CDK16: variants seen among roughly 807,000 people sequenced by gnomAD.
CDK16 encodes the protein cyclin-dependent kinase 16.
CDK16 carries 2 observed loss-of-function variants against 41.6 expected under a neutral mutation model. The observed-to-expected ratio is 0.05, with a 90% CI of 0.02 to 0.15. CDK16 has a LOEUF of 0.15. Ranked by LOEUF, CDK16 falls within the 10% of genes least tolerant of loss-of-function variation. The probability of loss-of-function intolerance (pLI) is 1.00; values close to 1 mark genes in which losing one functional copy is unlikely to be tolerated. For synonymous variants in CDK16, 169 were observed against 169.7 expected (o/e 1.00, Z 0.03); for missense variants, 228 against 428.9 (o/e 0.53, Z 4.14).
Position 47,223,735 on chromosome X carries a change from C to A in CDK16, c.178C>A (p.Arg60=). 1 of 1,208,166 alleles carries A rather than the reference C, an allele frequency of 8.3e-7. No individual in the cohort carries two copies. The highest frequency in any genetic ancestry group is 1.8e-5 in the South Asian group (1 of 56,361). The change falls in exon 2 of 16, where the codon CGG becomes AGG. Residue 60 remains arginine (R), a synonymous_variant. Transcript: ENST00000357227. The part of the protein sequence containing the change: ...RAAPGELRSA[R]GPLSSAPEIV... ...TGCTCCTGGGGAACTTCGTTCTGCACGGGGCCCACTCAGCTCTGCACCAGG... is the reference window on the plus strand; with the variant it reads ...TGCTCCTGGGGAACTTCGTTCTGCAAGGGGCCCACTCAGCTCTGCACCAGG...
At chrX:47,218,650 T>C (rs1556795991), upstream of CDK16, 8 of 1,167,742 alleles carry the variant, frequency 6.9e-6, no homozygotes, top group East Asian at 2.0e-4. Context: ...GGTCCTTTGG[T>C]ACATGCAGTC....
intron 1 of CDK16, among the ~76,000 whole-genome samples, chrX:47,221,693 T>C (rs1439486991): frequency 8.9e-6 from 1 of 112,101 alleles, no homozygotes; most frequent in Non-Finnish European, 1.9e-5. Context: ...CTTCCTTGCC[T>C]TAGGCCCAGT....
intron 1 of CDK16, chrX:47,222,980 G>T: frequency 4.4e-6 from 4 of 907,821 alleles, no homozygotes; most frequent in South Asian, 2.9e-5. Context: ...CTGGGTAGAT[G>T]AATGGGATGA....
At chrX:47,218,591 G>A (rs1190118391), upstream of CDK16, 21 of 1,149,709 alleles carry the variant, frequency 1.8e-5, no homozygotes, top group Non-Finnish European at 2.2e-5. Context: ...GCTTGGCGCC[G>A]CATCCTCCTC....
chrX:47,224,295 G>A, intron 2 of CDK16, 90 bp from the exon 3 acceptor site: 1 of 1,009,264 alleles, frequency 9.9e-7, no homozygotes, highest in South Asian at 2.3e-5. Context: ...GTGCACACAT[G>A]TGTGATGATG....
chrX:47,223,482 C>T, intron 1 of CDK16, 70 bp from the exon 2 acceptor site: 1 of 1,094,915 alleles, frequency 9.1e-7, no homozygotes, highest in South Asian at 2.0e-5. Flanking sequence ...AGGCTGTGGG[C>T]TTTAGGGAAC....
chrX:47,222,644 T>C (rs1280806404), intron 1 of CDK16, among the ~76,000 whole-genome samples: 1 of 4,945 alleles, frequency 2.0e-4, no homozygotes, highest in East Asian at 6.8e-3. Context: ...CAACTAGGAA[T>C]GATGGCGGGG....
chrX:47,225,242 A>C, intron 6 of CDK16, 140 bp downstream of exon 6: 1 of 453,099 alleles, frequency 2.2e-6, no homozygotes, highest in Non-Finnish European at 3.9e-6. Context: ...CCACATATCC[A>C]GGTAATAATC....
intron 1 of CDK16, chrX:47,223,299 T>G (rs1248235154): frequency 8.7e-7 from 1 of 1,155,800 alleles, no homozygotes; most frequent in Admixed American, 2.6e-5. Context: ...GCCACCTAAA[T>G]CTGAGAACTC....
Position 47,218,755 on chromosome X carries a change from T to G in CDK16, c.-357T>G. The G allele has an allele frequency of 1.7e-6, 2 of 1,158,532 alleles. No individual in the cohort carries two copies. Among genetic ancestry groups the G allele is most frequent in the Non-Finnish European group, 2.3e-6 (2 of 870,734 alleles). ...GCGCGGCGGTTGGGCCGTTGGCTGTTCGGCCCTGGGATCCGCCGCCACTCC... is the reference window on the plus strand; with the variant it reads ...GCGCGGCGGTTGGGCCGTTGGCTGTGCGGCCCTGGGATCCGCCGCCACTCC... On this transcript the variant is annotated 5_prime_UTR_variant, in exon 1 of 16. Coordinates refer to ENST00000357227, the MANE Select transcript of CDK16 (RefSeq NM_006201.5).
chrX:47,226,243 G>T, intron 8 of CDK16, 36 bp from the exon 9 acceptor site: 1 of 1,209,210 alleles, frequency 8.3e-7, no homozygotes. Context: ...CTAGTGGATA[G>T]TCTTTGACCT....
chrX:47,218,463 G>A (rs1369733153), upstream of CDK16: 9 of 550,451 alleles, frequency 1.6e-5, no homozygotes, highest in Non-Finnish European at 2.5e-5. Context: ...TAGGGGGAAC[G>A]AGTGGTGATT....
chrX:47,228,278 T>TA, intron 14 of CDK16: 1 of 275,621 alleles, frequency 3.6e-6, no homozygotes, highest in Non-Finnish European at 6.4e-6. Flanking sequence ...ACTGGATTAA[T>TA]ATATAAAGCA....
chrX:47,218,503 C>CT, upstream of CDK16: 1 of 885,880 alleles, frequency 1.1e-6, no homozygotes, highest in Non-Finnish European at 1.5e-6. Context: ...CACTGCTCAC[C>CT]TAGGCGCTAG....
chrX:47,226,721 T>C lies in CDK16; in HGVS notation c.1037+18T>C. 2 of 1,199,946 alleles carry C rather than the reference T, an allele frequency of 1.7e-6. No homozygotes were observed. Among genetic ancestry groups the C allele is most frequent in the South Asian group, 1.8e-5 (1 of 55,896 alleles). On this transcript the variant is annotated intron_variant, in intron 10 of 15. Coordinates refer to ENST00000357227, the MANE Select transcript of CDK16 (RefSeq NM_006201.5). Reference sequence around the variant, plus strand: ...GACATGTGGTAAGGACAGGTGGAAGTGTGGCAGGGGCCATGTGGTAAAGGG... The same window carrying C: ...GACATGTGGTAAGGACAGGTGGAAGCGTGGCAGGGGCCATGTGGTAAAGGG...
At chrX:47,225,624 T>G in intron 6 of CDK16, 148 bp from the exon 7 acceptor site, 2 of 447,955 alleles carry the variant, frequency 4.5e-6, no homozygotes, top group Non-Finnish European at 7.8e-6. Flanking sequence ...ATGAGGCGGG[T>G]TAGAGCTGGT....
chrX:47,218,662 G>C, upstream of CDK16: 1 of 1,168,209 alleles, frequency 8.6e-7, no homozygotes, highest in Non-Finnish European at 1.1e-6. Context: ...CATGCAGTCC[G>C]AGGTGAGTCC....
At position 47,228,806 on chromosome X, in the gene CDK16, G is replaced by T; in HGVS notation, c.*38G>T. Reference sequence around the variant, plus strand: ...GGCCCCAGCAGGCAGCGGCTGGAGGGATGCCACACCCCTCACAGGGCAGCC... The same window carrying T: ...GGCCCCAGCAGGCAGCGGCTGGAGGTATGCCACACCCCTCACAGGGCAGCC... On this transcript the variant is annotated 3_prime_UTR_variant, in exon 16 of 16. Coordinates refer to ENST00000357227, the MANE Select transcript of CDK16 (RefSeq NM_006201.5). 8.5e-7 allele frequency: 1 copy of T among 1,169,867 alleles called. No homozygotes were observed. Among genetic ancestry groups the T allele is most frequent in the Non-Finnish European group, 1.2e-6 (1 of 860,704 alleles).
intron 1 of CDK16, 89 bp from the exon 2 acceptor site, chrX:47,223,463 C>A: frequency 2.0e-6 from 2 of 1,020,714 alleles, no homozygotes; most frequent in Non-Finnish European, 2.7e-6. Flanking sequence ...CATGTCAGTG[C>A]CCCCTGCTAG....
Sources: gnomAD v4.1 joint callset for allele counts (sites outside exome capture counted in the v4.1 genomes callset) on GRCh38, gnomAD v4.1.1 for gene constraint, MANE v1.5 for transcripts, NCBI Gene and HGNC (gene_info 2026-07-23, HGNC 2026-07-21) for gene names.